Variants in BLTP1 observed in about 807,000 individuals in gnomAD.
BLTP1 encodes fragile site-associated protein.
chr4:122,260,052 T>G, the BLTP1 span: 4 of 352,864 alleles, frequency 1.1e-5, no homozygotes, highest in Non-Finnish European at 1.6e-5. Flanking sequence ...TTTGTCATTG[T>G]GTAAACATCA....
the BLTP1 span, chr4:122,164,301 T>C: frequency 1.5e-6 from 1 of 672,142 alleles, no homozygotes; most frequent in Non-Finnish European, 1.8e-6. Context: ...CAGCATCCTG[T>C]CCTCCAGCCA....
At chr4:122,191,891 A>G in the BLTP1 span, among the ~76,000 whole-genome samples, 20 of 152,212 alleles carry the variant, frequency 1.3e-4, no homozygotes, top group South Asian at 4.1e-3. Context: ...ACTTATCACT[A>G]AATTATTTTG....
chr4:122,289,140 T>C, the BLTP1 span: 1 of 1,611,046 alleles, frequency 6.2e-7, no homozygotes, highest in Non-Finnish European at 8.5e-7. Flanking sequence ...ACTTGGTATT[T>C]GTACAGAAAG....
the BLTP1 span, chr4:122,248,940 G>T: frequency 7.8e-6 from 2 of 256,106 alleles, no homozygotes; most frequent in African/African-American, 4.6e-5. Context: ...ATCAGAGAGA[G>T]AAATGAAAAA....
At chr4:122,166,373 C>T in the BLTP1 span, among the ~76,000 whole-genome samples, 1 of 152,128 alleles carries the variant, frequency 6.6e-6, no homozygotes, top group Admixed American at 6.6e-5. Context: ...TGTCAAAGTT[C>T]AAATAGTTGT....
At chr4:122,227,628 T>TA in the BLTP1 span, 1 of 250,940 alleles carries the variant, frequency 4.0e-6, no homozygotes, top group Non-Finnish European at 6.3e-6. Context: ...ATACAAATTA[T>TA]ATTTGTTTGC....
At chr4:122,152,630 T>C in the BLTP1 span, 22 of 985,012 alleles carry the variant, frequency 2.2e-5, no homozygotes, top group Non-Finnish European at 2.7e-5. Flanking sequence ...CGTCAGCCCC[T>C]TTTTCCAGTG....
At chr4:122,339,693 A>G in the BLTP1 span, among the ~76,000 whole-genome samples, 5 of 152,148 alleles carry the variant, frequency 3.3e-5, no homozygotes, top group Admixed American at 2.6e-4. Context: ...CATAACTACT[A>G]TATAATAATC....
the BLTP1 span, chr4:122,331,498 C>A: frequency 6.2e-7 from 1 of 1,611,404 alleles, no homozygotes; most frequent in Non-Finnish European, 8.5e-7. Context: ...TGTACTCCAC[C>A]CAACCACCCT....
At chr4:122,217,754 CTT>C in the BLTP1 span, among the ~76,000 whole-genome samples, 6 of 152,106 alleles carry the variant, frequency 3.9e-5, no homozygotes, top group Non-Finnish European at 5.9e-5. Flanking sequence ...AGGACTCCCT[CTT>C]TATCTTTTGG....
chr4:122,321,806 A>T, the BLTP1 span, among the ~76,000 whole-genome samples: 1 of 145,224 alleles, frequency 6.9e-6, no homozygotes, highest in Non-Finnish European at 1.5e-5. Flanking sequence ...ACTTTTCAAG[A>T]ATAATTTTGC....
the BLTP1 span, chr4:122,180,213 C>T: frequency 1.0e-6 from 1 of 980,620 alleles, no homozygotes; most frequent in Non-Finnish European, 1.2e-6. Context: ...TGACTTAAGG[C>T]AAGAATTTTA....
At chr4:122,174,782 A>G in the BLTP1 span, 4 of 738,784 alleles carry the variant, frequency 5.4e-6, no homozygotes, top group Non-Finnish European at 8.2e-6. Context: ...TTTTTTTTCC[A>G]GTAAATCATA....
chr4:122,333,484 T>G, the BLTP1 span: 18 of 788,204 alleles, frequency 2.3e-5, no homozygotes, highest in South Asian at 1.1e-4. Flanking sequence ...GGTTGTTTGT[T>G]TTTTTCTTGT....
the BLTP1 span, among the ~76,000 whole-genome samples, chr4:122,268,066 G>A: frequency 5.3e-5 from 8 of 151,944 alleles, no homozygotes; most frequent in South Asian, 6.2e-4. Context: ...AACAATGACC[G>A]TACAAGCTGA....
At chr4:122,314,845 C>T in the BLTP1 span, among the ~76,000 whole-genome samples, 2 of 152,114 alleles carry the variant, frequency 1.3e-5, no homozygotes, top group Admixed American at 6.6e-5. Context: ...TTTCAGACTA[C>T]AGTTAAACTT....
the BLTP1 span, among the ~76,000 whole-genome samples, chr4:122,173,603 T>C: frequency 6.6e-6 from 1 of 152,210 alleles, no homozygotes; most frequent in Non-Finnish European, 1.5e-5. Context: ...AGCAGATGTA[T>C]ATTATAAATT....
the BLTP1 span, chr4:122,353,637 C>A: frequency 2.8e-6 from 1 of 362,740 alleles, no homozygotes; most frequent in Non-Finnish European, 3.8e-6. This position sits in a 1 kb window ranked among gnomAD's most constrained non-coding sequence, Gnocchi z 4.3. Flanking sequence ...GGGACAAATC[C>A]AATTACCACT....
chr4:122,223,006 A>G, the BLTP1 span: 1 of 917,366 alleles, frequency 1.1e-6, no homozygotes, highest in Non-Finnish European at 1.3e-6. Flanking sequence ...TTTTATACTG[A>G]GAATTATTGA....
Sources: allele counts gnomAD v4.1 joint callset (sites outside exome capture counted in the v4.1 genomes callset), GRCh38; gene constraint gnomAD v4.1.1; non-coding constraint Gnocchi (gnomAD v3.1); transcripts MANE v1.5; gene names NCBI Gene and HGNC (gene_info 2026-07-23, HGNC 2026-07-21).